LHX4: variants seen among roughly 807,000 people sequenced by gnomAD.
The protein encoded by LHX4 is LIM/homeobox protein Lhx4.
In LHX4, 16 loss-of-function variants were observed where a neutral mutation model predicts 39.2. The ratio of observed to expected loss-of-function variants is 0.41; its 90% confidence interval spans 0.28 to 0.62. LHX4 has a LOEUF of 0.62. LHX4 is among the 20% of genes least tolerant of loss of function. The probability of loss-of-function intolerance (pLI) is 0.33; values close to 1 mark genes in which losing one functional copy is unlikely to be tolerated. For missense variants in LHX4, 439 were observed against 511.9 expected (o/e 0.86, Z 1.37); for synonymous variants, 206 against 198.1 (o/e 1.04, Z -0.33).
chr1:180,248,567 G>A (rs1439332779), intron 2 of LHX4, 111 bp downstream of exon 2: 2 of 1,154,564 alleles, frequency 1.7e-6, no homozygotes, highest in Non-Finnish European at 2.5e-6. Flanking sequence ...GTCCACTCTG[G>A]GAGGGGCAGG....
At chr1:180,257,452 C>A (rs758654583) in intron 2 of LHX4, among the ~76,000 whole-genome samples, 2 of 152,306 alleles carry the variant, frequency 1.3e-5, no homozygotes, top group Non-Finnish European at 2.9e-5. Flanking sequence ...CCCCGAGGCT[C>A]TAAGATTCTC....
At position 180,266,301 on chromosome 1, in the gene LHX4, G is replaced by A; in HGVS notation, c.249-91G>A. 7.9e-7 allele frequency: 1 copy of A among 1,265,328 alleles called. No individual in the cohort carries two copies. 78.4% of individuals were successfully genotyped at this position (1,265,328 alleles called of 1,614,324 possible). A position where few individuals can be genotyped will look rare whatever the true frequency, so the allele number is the denominator to read the frequency against. On this transcript the variant is annotated intron_variant, in intron 2 of 5. Coordinates refer to ENST00000263726, the MANE Select transcript of LHX4 (RefSeq NM_033343.4). This position sits in a 1 kb window ranked among gnomAD's most constrained non-coding sequence, Gnocchi z 5.7. ...GTGAGGCTCATGGAGTCCCGGAGTG[G>A]TGGGGTAGGAGGGAGGCTGCTCCAG... is the stretch of plus-strand genomic sequence containing the variant.
At chr1:180,237,013 A>T (rs1021481867) in intron 1 of LHX4, among the ~76,000 whole-genome samples, 7 of 152,188 alleles carry the variant, frequency 4.6e-5, no homozygotes, top group Non-Finnish European at 1.0e-4. Context: ...TGCCCATAAC[A>T]GAGATGTGGG....
intron 3 of LHX4, chr1:180,271,072 G>T: frequency 2.3e-6 from 1 of 441,662 alleles, no homozygotes; most frequent in South Asian, 2.1e-5. Context: ...TGACAGGGAC[G>T]TGTGGAATTG....
chr1:180,257,964 C>A (rs921545608), intron 2 of LHX4, among the ~76,000 whole-genome samples: 19 of 152,212 alleles, frequency 1.2e-4, no homozygotes, highest in Non-Finnish European at 2.6e-4. Flanking sequence ...GTCCTCATGT[C>A]CAAATGAAGA....
chr1:180,274,431 C>A lies in LHX4; in HGVS notation c.1025C>A (p.Ala342Glu). Reference sequence around the variant, plus strand: ...GTGGACAGTAATTTGGGCATCATTGCGCATGCAGGGCAGGGAGTAAGCCAG... The same window carrying A: ...GTGGACAGTAATTTGGGCATCATTGAGCATGCAGGGCAGGGAGTAAGCCAG... ...YTVDSNLGII[A>E]HAGQGVSQTL... Residue 342 changes from alanine (A) to glutamate (E), a missense_variant, in exon 6 of 6, where the codon GCG becomes GAG. By Grantham distance (107) the Ala-to-Glu change is moderately radical. Transcript: ENST00000263726. 1 of 1,614,180 alleles carries A rather than the reference C, an allele frequency of 6.2e-7. No individual in the cohort carries two copies. Among genetic ancestry groups the A allele is most frequent in the Non-Finnish European group, 8.5e-7 (1 of 1,180,032 alleles).
intron 3 of LHX4, among the ~76,000 whole-genome samples, chr1:180,267,554 GCC>G (rs1211430299): frequency 6.6e-6 from 1 of 152,210 alleles, no homozygotes; most frequent in Admixed American, 6.5e-5. Flanking sequence ...GTGGGGTCAG[GCC>G]CTGGCTCTGA....
chr1:180,229,964 A>AGGCGGAGGCGGGGGGGGCG (rs1553278096), upstream of LHX4, among the ~76,000 whole-genome samples: 1 of 73,482 alleles, frequency 1.4e-5, no homozygotes, highest in Non-Finnish European at 2.5e-5. Flanking sequence ...GGAGGCGGGG[A>AGGCGGAGGCGGGGGGGGCG]GGGGGGGGGG....
Position 180,274,767 on chromosome 1 carries a change from T to A in LHX4, c.*188T>A. 1 of 664,286 alleles carries A rather than the reference T, an allele frequency of 1.5e-6. No homozygotes were observed. The highest frequency in any genetic ancestry group is 2.5e-6 in the Non-Finnish European group (1 of 402,120). The allele number at this position is 664,286 out of a possible 1,614,324, so 41.1% of individuals were successfully genotyped here. On this transcript the variant is annotated 3_prime_UTR_variant, in exon 6 of 6. Coordinates refer to ENST00000263726, the MANE Select transcript of LHX4 (RefSeq NM_033343.4). ...GGGCATTGTTTCCCTGGGGAAGCAG[T>A]GGGAGAGCAGACTCATCTCAGAACA... is the stretch of plus-strand genomic sequence containing the variant.
chr1:180,238,561 GCT>G (rs1263118289), intron 1 of LHX4, among the ~76,000 whole-genome samples: 4 of 152,062 alleles, frequency 2.6e-5, no homozygotes, highest in South Asian at 2.1e-4. Flanking sequence ...GGCTGGCCCA[GCT>G]CTCTTTCTTT....
chr1:180,242,225 A>G (rs899367073), intron 1 of LHX4, among the ~76,000 whole-genome samples: 6 of 151,912 alleles, frequency 3.9e-5, no homozygotes. Context: ...CAGAGTGGCA[A>G]TGCCTCATCC....
At chr1:180,233,643 C>T (rs183228317) in intron 1 of LHX4, among the ~76,000 whole-genome samples, 6 of 152,338 alleles carry the variant, frequency 3.9e-5, no homozygotes, top group Non-Finnish European at 7.3e-5. Context: ...GGCGTTTTAT[C>T]CGCCTCGGTT....
chr1:180,241,504 T>G (rs1246808810), intron 1 of LHX4, among the ~76,000 whole-genome samples: 1 of 152,242 alleles, frequency 6.6e-6, no homozygotes, highest in Non-Finnish European at 1.5e-5. Flanking sequence ...ACAGTGGCAC[T>G]GTGAGGGCTC....
intron 2 of LHX4, among the ~76,000 whole-genome samples, chr1:180,260,924 CCTCT>C (rs1446607699): frequency 6.6e-6 from 1 of 151,878 alleles, no homozygotes; most frequent in Non-Finnish European, 1.5e-5. Flanking sequence ...CGGCACCTCA[CCTCT>C]CTGAGCCCCA....
At chr1:180,251,315 G>A (rs1445170112) in intron 2 of LHX4, among the ~76,000 whole-genome samples, 1 of 152,212 alleles carries the variant, frequency 6.6e-6, no homozygotes, top group Non-Finnish European at 1.5e-5. Flanking sequence ...CCACACGCCA[G>A]CCCAGGCTGT....
At chr1:180,246,575 G>A (rs1318200978) in intron 1 of LHX4, among the ~76,000 whole-genome samples, 2 of 152,210 alleles carry the variant, frequency 1.3e-5, no homozygotes, top group Non-Finnish European at 2.9e-5. Context: ...GCCGGGTGTG[G>A]TGGTATGCGC....
chr1:180,259,048 C>T (rs1426232083), intron 2 of LHX4, among the ~76,000 whole-genome samples: 2 of 151,872 alleles, frequency 1.3e-5, no homozygotes, highest in African/African-American at 2.4e-5. Flanking sequence ...CAGTGGAGCC[C>T]CAGTCTGGAG....
At chr1:180,271,315 G>T (rs538820952) in intron 3 of LHX4, 65 bp from the exon 4 acceptor site, 1 of 1,569,314 alleles carries the variant, frequency 6.4e-7, no homozygotes, top group South Asian at 1.1e-5. Context: ...GGAAGGGAGG[G>T]TGTGGGAGGA....
intron 2 of LHX4, among the ~76,000 whole-genome samples, chr1:180,256,514 T>C (rs147835289): frequency 0.011 from 1,688 of 152,330 alleles, 32 homozygotes; most frequent in African/African-American, 0.038. Context: ...TTCCAGTTCC[T>C]GCGGGTGTCT....
Sources: allele counts gnomAD v4.1 joint callset (sites outside exome capture counted in the v4.1 genomes callset), GRCh38; gene constraint gnomAD v4.1.1; non-coding constraint Gnocchi (gnomAD v3.1); transcripts MANE v1.5; gene names NCBI Gene and HGNC (gene_info 2026-07-23, HGNC 2026-07-21).